Variants in SLC13A3 observed in about 807,000 individuals in gnomAD.
SLC13A3 encodes Na(+)/dicarboxylate cotransporter 3.
SLC13A3 carries 40 observed loss-of-function variants against 59.0 expected under a neutral mutation model. That is an observed-to-expected ratio of 0.68 (90% CI 0.53 to 0.88). SLC13A3 has a LOEUF of 0.88. Among genes scored for constraint, SLC13A3 ranks in the 40% least tolerant of loss-of-function variants. The pLI is 0.00. For missense variants in SLC13A3, 699 were observed against 783.2 expected (o/e 0.89, Z 1.28); for synonymous variants, 317 against 330.3 (o/e 0.96, Z 0.44).
At chr20:46,615,331 T>C (rs1291866977) in intron 1 of SLC13A3, among the ~76,000 whole-genome samples, 1 of 152,114 alleles carries the variant, frequency 6.6e-6, no homozygotes, top group Non-Finnish European at 1.5e-5. Context: ...CAGCGCACCA[T>C]CCTAAGAGCC....
upstream of SLC13A3, among the ~76,000 whole-genome samples, chr20:46,656,191 T>C (rs751497287): frequency 1.4e-4 from 20 of 143,896 alleles, no homozygotes; most frequent in Admixed American, 5.0e-4. Flanking sequence ...GTATATAATA[T>C]AGACTGCACA....
upstream of SLC13A3, among the ~76,000 whole-genome samples, chr20:46,653,994 C>T (rs1161557116): frequency 6.6e-6 from 1 of 152,098 alleles, no homozygotes; most frequent in Non-Finnish European, 1.5e-5. Flanking sequence ...TAATTCTGCG[C>T]TTTTTGAAAA....
At chr20:46,638,127 G>A (rs1200889123) in intron 1 of SLC13A3, among the ~76,000 whole-genome samples, 3 of 152,174 alleles carry the variant, frequency 2.0e-5, no homozygotes, top group African/African-American at 7.2e-5. Flanking sequence ...CCACGATTCT[G>A]GTCCCAGACA....
In SLC13A3 at chr20:46,558,866, C is replaced by T. The variant is rs10218; in HGVS notation, c.*1156G>A. 1 of 151,444 alleles carries T rather than the reference C, an allele frequency of 6.6e-6. No individual in the cohort carries two copies. The highest frequency in any genetic ancestry group is 2.0e-4 in the East Asian group (1 of 5,086). 9.4% of individuals were successfully genotyped at this position (151,444 alleles called of 1,614,324 possible). ...CCATTCAGCAGACACTTCCTGAGGGCCTGAGCTCTTCACTGGGATGCCAGA... is the reference window on the plus strand; with the variant it reads ...CCATTCAGCAGACACTTCCTGAGGGTCTGAGCTCTTCACTGGGATGCCAGA... On this transcript the variant is annotated 3_prime_UTR_variant, in exon 13 of 13. Transcript: ENST00000279027.
chr20:46,586,439 C>G (rs917559685), intron 8 of SLC13A3, among the ~76,000 whole-genome samples: 8 of 152,320 alleles, frequency 5.3e-5, no homozygotes, highest in South Asian at 2.1e-4. Flanking sequence ...GGTCTATACT[C>G]TACTTAAACA....
In SLC13A3 at chr20:46,570,816, C is replaced by T. The variant is rs139628775; in HGVS notation, c.1333-4426G>A. ...TGATTTGCCCAAATAAATAATATGA[C>T]GTGCCCTAGTAAGATTCAGAATCTG... On this transcript the variant is annotated intron_variant, in intron 10 of 12. Coordinates refer to ENST00000279027, the MANE Select transcript of SLC13A3 (RefSeq NM_022829.6). Among the ~76,000 whole-genome samples the T allele has an allele frequency of 7.9e-4, 120 of 152,218 alleles. 1 individual carries two copies. Among genetic ancestry groups the T allele is most frequent in the East Asian group, 7.1e-3 (37 of 5,178 alleles).
chr20:46,627,868 G>C (rs1470036235), intron 1 of SLC13A3, among the ~76,000 whole-genome samples: 1 of 152,214 alleles, frequency 6.6e-6, no homozygotes, highest in African/African-American at 2.4e-5. Flanking sequence ...CCATTTTACA[G>C]ATATAAACTG....
In SLC13A3 at chr20:46,651,379, G is replaced by A. The variant is rs948996332; in HGVS notation, c.43C>T (p.Arg15Trp). The A allele has an allele frequency of 2.7e-6, 4 of 1,509,310 alleles. No individual in the cohort carries two copies. Among genetic ancestry groups the A allele is most frequent in the Non-Finnish European group, 3.5e-6 (4 of 1,132,798 alleles). The allele number at this position is 1,509,310 out of a possible 1,614,324, so 93.5% of individuals were successfully genotyped here. A position where few individuals can be genotyped will look rare whatever the true frequency, so the allele number is the denominator to read the frequency against. ...GTGAACAGCAGCACCAGCAGCCGCCGCGCGCTCCACACCTTCTTGGCCGCT... is the reference window on the plus strand; with the variant it reads ...GTGAACAGCAGCACCAGCAGCCGCCACGCGCTCCACACCTTCTTGGCCGCT... ...AAAAKKVWSARRLLVLLFTPL... is the reference protein window; with the variant it reads ...AAAAKKVWSAWRLLVLLFTPL... Residue 15 changes from arginine (R) to tryptophan (W), a missense_variant, in exon 1 of 13, where the codon CGG becomes TGG. Arg to Trp is a moderately radical substitution (Grantham distance 101, BLOSUM62 -3). Transcript: ENST00000279027.
chr20:46,582,999 T>C (rs1019889736), intron 9 of SLC13A3: 10 of 985,926 alleles, frequency 1.0e-5, no homozygotes, highest in Non-Finnish European at 1.2e-5. Context: ...ACACTTCCTA[T>C]ACGGTTGAAA....
intron 1 of SLC13A3, among the ~76,000 whole-genome samples, chr20:46,680,236 G>T (rs2063147598): frequency 6.6e-6 from 1 of 152,200 alleles, no homozygotes; most frequent in Admixed American, 6.5e-5. Flanking sequence ...GCCTGGCAAG[G>T]TGGGAAAGTG....
intron 11 of SLC13A3, among the ~76,000 whole-genome samples, 160 bp downstream of exon 11, chr20:46,566,069 C>T (rs1019227771): frequency 2.0e-5 from 3 of 152,140 alleles, no homozygotes; most frequent in African/African-American, 7.2e-5. Context: ...AGGAAAACAT[C>T]CAGTATTTAA....
chr20:46,674,073 G>A (rs2063107971), upstream of SLC13A3, among the ~76,000 whole-genome samples: 1 of 152,172 alleles, frequency 6.6e-6, no homozygotes, highest in Admixed American at 6.5e-5. Context: ...AATAAGGTAG[G>A]CAGTGGGAGA....
At chr20:46,642,244 G>C (rs1330965215) in intron 1 of SLC13A3, among the ~76,000 whole-genome samples, 1 of 152,186 alleles carries the variant, frequency 6.6e-6, no homozygotes, top group East Asian at 1.9e-4. Context: ...CATTAAAACA[G>C]ACACAAGGGG....
intron 1 of SLC13A3, among the ~76,000 whole-genome samples, chr20:46,618,435 A>G (rs1255255111): frequency 6.6e-6 from 1 of 152,334 alleles, no homozygotes; most frequent in East Asian, 1.9e-4. Flanking sequence ...CCTCCTTGCT[A>G]TGGTCTCAGT....
At chr20:46,587,951 A>G (rs2062210746) in intron 8 of SLC13A3, 108 bp downstream of exon 8, 2 of 554,632 alleles carry the variant, frequency 3.6e-6, no homozygotes, top group African/African-American at 3.8e-5. Context: ...AAAAGATGGA[A>G]ACTTGGATGC....
intron 5 of SLC13A3, among the ~76,000 whole-genome samples, chr20:46,592,830 G>T (rs969152597): frequency 4.6e-5 from 7 of 152,236 alleles, no homozygotes; most frequent in Non-Finnish European, 1.0e-4. Flanking sequence ...ATGGTGAATT[G>T]AAGAGAGCCC....
chr20:46,582,597 C>T (rs544705396), intron 9 of SLC13A3: 2 of 975,300 alleles, frequency 2.1e-6, no homozygotes, highest in South Asian at 9.5e-5. Context: ...AGTGAGACCC[C>T]ATTAAAAAAA....
chr20:46,632,630 C>T (rs2062751372), intron 1 of SLC13A3, among the ~76,000 whole-genome samples: 1 of 152,132 alleles, frequency 6.6e-6, no homozygotes, highest in Admixed American at 6.5e-5. Flanking sequence ...AAGTCTATAG[C>T]TTCCAGAGCA....
intron 1 of SLC13A3, among the ~76,000 whole-genome samples, chr20:46,631,262 A>G (rs886259613): frequency 3.3e-5 from 5 of 152,194 alleles, no homozygotes; most frequent in African/African-American, 1.2e-4. Context: ...ACAGCCCCCT[A>G]CAATAAAGAA....
Sources: allele counts gnomAD v4.1 joint callset (sites outside exome capture counted in the v4.1 genomes callset), GRCh38; gene constraint gnomAD v4.1.1; transcripts MANE v1.5; gene names NCBI Gene and HGNC (gene_info 2026-07-23, HGNC 2026-07-21).